Variants in KLHL4 observed in about 807,000 individuals in gnomAD.
KLHL4 encodes kelch like family member 4.
KLHL4 carries 17 observed loss-of-function variants against 45.8 expected under a neutral mutation model. The ratio of observed to expected loss-of-function variants is 0.37; its 90% CI spans 0.25 to 0.56. The LOEUF is 0.56. KLHL4 is among the 20% of genes least tolerant of loss of function. The pLI is 0.79. For missense variants in KLHL4, 544 were observed against 544.9 expected, an observed-to-expected ratio of 1.00 and a Z score of 0.02; for synonymous variants, 224 against 189.9, an observed-to-expected ratio of 1.18 and a Z score of -1.47.
intron 9 of KLHL4, among the ~76,000 whole-genome samples, chrX:87,662,711 C>T (rs1224903635): frequency 4.5e-5 from 5 of 110,320 alleles, no homozygotes; most frequent in African/African-American, 1.3e-4. Flanking sequence ...GGGCGGATCA[C>T]GAGGTCAGGA....
At chrX:87,589,337 A>G (rs1212936880) in intron 1 of KLHL4, among the ~76,000 whole-genome samples, 1 of 112,212 alleles carries the variant, frequency 8.9e-6, no homozygotes, top group Non-Finnish European at 1.9e-5. Flanking sequence ...AAATCAGTAT[A>G]TTGAAGAGCT....
rs1921530651 is a variant in KLHL4, at chrX:87,587,797, A to G, written c.423-26080A>G. ...TATTAAACATAACACTTAAAGTCCTAGATAGACCAGTCAGACAAGTAAAAG... is the reference window on the plus strand; with the variant it reads ...TATTAAACATAACACTTAAAGTCCTGGATAGACCAGTCAGACAAGTAAAAG... On this transcript the variant is annotated intron_variant, in intron 1 of 10. Coordinates refer to ENST00000373119, the MANE Select transcript of KLHL4 (RefSeq NM_019117.5). Among the ~76,000 whole-genome samples, 3 of 111,243 alleles carry G rather than the reference A, an allele frequency of 2.7e-5. No homozygotes were observed. In the South Asian group the frequency reaches 1.1e-3, roughly 42 times the overall value.
Position 87,669,425 on chromosome X carries a change from A to G in KLHL4, c.*2891A>G. On this transcript the variant is annotated 3_prime_UTR_variant, in exon 11 of 11. Transcript: ENST00000373119. ...GATCCTTTCTCCACACAGCAATGAC[A>G]TTTATCAATCTGACTCAGGTGTGGC... 1 of 1,206,035 alleles carries G rather than the reference A, an allele frequency of 8.3e-7. No individual in the cohort carries two copies. Among genetic ancestry groups the G allele is most frequent in the Non-Finnish European group, 1.1e-6 (1 of 892,612 alleles).
rs977433301 is a variant in KLHL4, at chrX:87,666,354, T to C, written c.2098-121T>C. The C allele has an allele frequency of 8.4e-6, 5 of 591,865 alleles. No individual in the cohort carries two copies. In the African/African-American group the frequency reaches 1.2e-4, roughly 14 times the overall value. 48.8% of individuals were successfully genotyped at this position (591,865 alleles called of 1,213,427 possible). A position where few individuals can be genotyped will look rare whatever the true frequency, so the allele number is the denominator to read the frequency against. On this transcript the variant is annotated intron_variant, in intron 10 of 10. Coordinates refer to ENST00000373119, the MANE Select transcript of KLHL4 (RefSeq NM_019117.5). ...TCTAGGCTGCAGATTATCTCATCTT[T>C]AGACAAGGTGATGTTAGACCAAATT...
chrX:87,561,200 C>T (rs1306758794), intron 1 of KLHL4, among the ~76,000 whole-genome samples: 1 of 110,797 alleles, frequency 9.0e-6, no homozygotes, highest in Non-Finnish European at 1.9e-5. Context: ...CAAGAAAGCA[C>T]CCTAATATGA....
intron 1 of KLHL4, among the ~76,000 whole-genome samples, chrX:87,556,441 G>T (rs781217026): frequency 9.4e-6 from 1 of 106,187 alleles, no homozygotes; most frequent in Non-Finnish European, 1.9e-5. Flanking sequence ...CAAACACTGC[G>T]CATATTCTCA....
chrX:87,566,642 C>T (rs1017598825), intron 1 of KLHL4, among the ~76,000 whole-genome samples: 2 of 111,103 alleles, frequency 1.8e-5, no homozygotes, highest in Non-Finnish European at 3.8e-5. Context: ...ACTGTTGTAC[C>T]ATCATAAAGT....
At chrX:87,589,859 G>A (rs1019490931) in intron 1 of KLHL4, among the ~76,000 whole-genome samples, 2 of 92,191 alleles carry the variant, frequency 2.2e-5, no homozygotes, top group Non-Finnish European at 4.2e-5. Context: ...GAGAAACCCC[G>A]TCTCTACTAA....
At chrX:87,527,053 A>G (rs1468514915) in intron 1 of KLHL4, among the ~76,000 whole-genome samples, 1 of 112,037 alleles carries the variant, frequency 8.9e-6, no homozygotes, top group Non-Finnish European at 1.9e-5. Flanking sequence ...AATGAAAACA[A>G]TGGAAAAATT....
chrX:87,522,900 G>A (rs149426007), intron 1 of KLHL4, among the ~76,000 whole-genome samples: 1,338 of 110,996 alleles, frequency 0.012, 22 homozygotes, highest in African/African-American at 0.042. Context: ...TTGACAGTAC[G>A]GTATCACGTA....
At chrX:87,548,397 G>A (rs1263898018) in intron 1 of KLHL4, among the ~76,000 whole-genome samples, 4 of 111,186 alleles carry the variant, frequency 3.6e-5, no homozygotes, top group Admixed American at 2.9e-4. Context: ...AACAAAAAGC[G>A]AGATTAATGA....
At chrX:87,620,462 G>C (rs1248225680) in intron 4 of KLHL4, among the ~76,000 whole-genome samples, 1 of 111,433 alleles carries the variant, frequency 9.0e-6, no homozygotes, top group Non-Finnish European at 1.9e-5. Flanking sequence ...GTCCCATTAG[G>C]AAGCAATTCT....
chrX:87,551,609 A>AGATAGATAGATAGATAGATAGAAG (rs1409554695), intron 1 of KLHL4, among the ~76,000 whole-genome samples: 1 of 81,704 alleles, frequency 1.2e-5, no homozygotes, highest in Admixed American at 1.8e-4. Flanking sequence ...ATAGATAGAT[A>AGATAGATAGATAGATAGATAGAAG]GAAATAGAAA....
Position 87,657,200 on chromosome X carries a change from C to T in KLHL4, c.1926-7564C>T, listed in dbSNP as rs189520421. Among the ~76,000 whole-genome samples, 4 of 112,010 alleles carry T rather than the reference C, an allele frequency of 3.6e-5. No individual in the cohort carries two copies. The Admixed American group carries it at 3.8e-4, about 11-fold the overall frequency. On this transcript the variant is annotated intron_variant, in intron 9 of 10. Coordinates refer to ENST00000373119, the MANE Select transcript of KLHL4 (RefSeq NM_019117.5). The stretch of plus-strand genomic sequence containing the variant: ...GAGCCAGTGGTGGTGGTGGTGGTAG[C>T]AGATGGGTTTATGCTTTATATTTGC...
At chrX:87,664,705 A>T in intron 9 of KLHL4, 59 bp from the exon 10 acceptor site, 1 of 801,360 alleles carries the variant, frequency 1.2e-6, no homozygotes. Context: ...AATGTCTGTT[A>T]TTTTCAGTTG....
intron 1 of KLHL4, among the ~76,000 whole-genome samples, chrX:87,558,334 G>A (rs1314498353): frequency 9.0e-6 from 1 of 111,419 alleles, no homozygotes; most frequent in African/African-American, 3.3e-5. Flanking sequence ...ATATGACTGT[G>A]TGGAAGAATA....
At chrX:87,627,716 G>A (rs1346494841) in intron 6 of KLHL4, among the ~76,000 whole-genome samples, 1 of 111,402 alleles carries the variant, frequency 9.0e-6, no homozygotes, top group East Asian at 2.8e-4. Flanking sequence ...TTTTTGTTTG[G>A]CATTTAAATT....
In KLHL4 at chrX:87,625,721, C is replaced by A; in HGVS notation, c.1249C>A (p.Gln417Lys). Residue 417 changes from glutamine to lysine, a missense_variant, in exon 6 of 11, where the codon CAA becomes AAA. Coordinates refer to ENST00000373119, the MANE Select transcript of KLHL4 (RefSeq NM_019117.5). ...HLLPERRSMMQSPRTKPRKST... is the reference protein window; with the variant it reads ...HLLPERRSMMKSPRTKPRKST... ...TTTGCCTGAGAGAAGATCCATGATG[C>A]AAAGCCCTCGGACAAAGCCTAGAAA... 8.3e-7 allele frequency: 1 copy of A among 1,209,537 alleles called. No homozygotes were observed. Among genetic ancestry groups the A allele is most frequent in the South Asian group, 1.8e-5 (1 of 56,824 alleles).
chrX:87,576,533 A>T (rs1274992075), intron 1 of KLHL4, among the ~76,000 whole-genome samples: 1 of 111,956 alleles, frequency 8.9e-6, no homozygotes, highest in Non-Finnish European at 1.9e-5. Flanking sequence ...TTTTTATAAA[A>T]ACAAAAATCT....
Sources: gnomAD v4.1 joint callset for allele counts (sites outside exome capture counted in the v4.1 genomes callset) on GRCh38, gnomAD v4.1.1 for gene constraint, MANE v1.5 for transcripts, NCBI Gene and HGNC (gene_info 2026-07-23, HGNC 2026-07-21) for gene names.